Variants in LRMDA observed in about 807,000 individuals in gnomAD.
The protein encoded by LRMDA is leucine-rich melanocyte differentiation-associated protein.
Under a neutral mutation model 29.8 loss-of-function variants are expected in LRMDA, and 18 were observed. The ratio of observed to expected loss-of-function variants is 0.60; its 90% confidence interval spans 0.42 to 0.90. The LOEUF is 0.90. Among genes scored for constraint, LRMDA ranks in the 40% least tolerant of loss-of-function variants. The pLI is 0.00. For missense variants in LRMDA, 273 were observed against 273.9 expected (o/e 1.00, Z 0.02); for synonymous variants, 125 against 109.4 (o/e 1.14, Z -0.89).
chr10:75,903,801 A>G (rs1845716891), intron 2 of LRMDA, among the ~76,000 whole-genome samples: 1 of 152,216 alleles, frequency 6.6e-6, no homozygotes, highest in Non-Finnish European at 1.5e-5. Context: ...GGTTTGAGAT[A>G]GTGACTAGTT....
At chr10:76,096,765 A>G (rs1849317866) in intron 5 of LRMDA, among the ~76,000 whole-genome samples, 1 of 152,070 alleles carries the variant, frequency 6.6e-6, no homozygotes, top group Non-Finnish European at 1.5e-5. Context: ...AGATCTTTTT[A>G]TAACTTTTAA....
chr10:76,472,955 A>G (rs1355470092), intron 6 of LRMDA, among the ~76,000 whole-genome samples: 1 of 151,636 alleles, frequency 6.6e-6, no homozygotes, highest in African/African-American at 2.4e-5. Flanking sequence ...GCATTTAAAG[A>G]AAGTAAATGT....
At chr10:76,500,771 G>A (rs1842903288) in intron 6 of LRMDA, among the ~76,000 whole-genome samples, 1 of 74,292 alleles carries the variant, frequency 1.3e-5, no homozygotes, top group African/African-American at 3.3e-5. Flanking sequence ...TTGTCTCTTT[G>A]TATGCAAAAT....
chr10:75,505,993 G>A lies in LRMDA; in HGVS notation c.131+67499G>A, dbSNP rs191978041. 2.1e-4 allele frequency among the ~76,000 whole-genome samples: 32 copies of A among 152,262 alleles called. 1 individual carries two copies. The East Asian group carries it at 6.2e-3, about 29-fold the overall frequency. On this transcript the variant is annotated intron_variant, in intron 2 of 6. Transcript: ENST00000611255. Reference sequence around the variant, plus strand: ...AAAATACAAACACAGAGCCTTTAAGGCTTATTAGTTTCATAGTGAGAAAAC... The same window carrying A: ...AAAATACAAACACAGAGCCTTTAAGACTTATTAGTTTCATAGTGAGAAAAC...
intron 2 of LRMDA, among the ~76,000 whole-genome samples, chr10:75,912,482 GA>G (rs1251312340): frequency 6.6e-6 from 1 of 152,168 alleles, no homozygotes; most frequent in Non-Finnish European, 1.5e-5. Context: ...GGAAGTTATG[GA>G]AAGGAAGGGC....
intron 2 of LRMDA, among the ~76,000 whole-genome samples, chr10:76,012,886 G>A (rs900931602): frequency 2.0e-5 from 3 of 152,100 alleles, no homozygotes. Context: ...GTCTGGCTTT[G>A]TATTTGGAAT....
intron 6 of LRMDA, among the ~76,000 whole-genome samples, chr10:76,469,970 G>T (rs1206087538): frequency 6.6e-6 from 1 of 151,916 alleles, no homozygotes; most frequent in Non-Finnish European, 1.5e-5. Flanking sequence ...TCTCCCCTAT[G>T]ATCATGGATT....
At chr10:75,433,773 C>A (rs1423343261) in intron 1 of LRMDA, among the ~76,000 whole-genome samples, 1 of 151,936 alleles carries the variant, frequency 6.6e-6, no homozygotes, top group African/African-American at 2.4e-5. Context: ...AAACATGAAG[C>A]CAGAGACAAC....
chr10:75,939,160 A>AC (rs1846346946), intron 2 of LRMDA, among the ~76,000 whole-genome samples: 1 of 152,148 alleles, frequency 6.6e-6, no homozygotes, highest in South Asian at 2.1e-4. Flanking sequence ...GTGAAGTGAT[A>AC]CCTTCCAGTG....
At chr10:75,978,983 T>G (rs1451197610) in intron 2 of LRMDA, among the ~76,000 whole-genome samples, 1 of 152,156 alleles carries the variant, frequency 6.6e-6, no homozygotes, top group Non-Finnish European at 1.5e-5. Context: ...ACCTGCCACT[T>G]ATTGGCCAAA....
At chr10:75,850,406 T>A (rs1844712372) in intron 2 of LRMDA, among the ~76,000 whole-genome samples, 1 of 152,220 alleles carries the variant, frequency 6.6e-6, no homozygotes, top group Non-Finnish European at 1.5e-5. Flanking sequence ...AGCTGTCAAA[T>A]CCACTATTAG....
intron 2 of LRMDA, among the ~76,000 whole-genome samples, chr10:75,500,841 C>G (rs184644979): frequency 2.0e-5 from 3 of 152,312 alleles, no homozygotes; most frequent in Admixed American, 1.3e-4. Flanking sequence ...TCACCTCCCA[C>G]CAGGTCCCTC....
At chr10:75,741,620 G>A (rs997804808) in intron 2 of LRMDA, among the ~76,000 whole-genome samples, 2 of 152,152 alleles carry the variant, frequency 1.3e-5, no homozygotes, top group African/African-American at 4.8e-5. Flanking sequence ...TCTACCACAA[G>A]GGTATTTGGT....
intron 2 of LRMDA, among the ~76,000 whole-genome samples, chr10:75,516,295 G>A (rs1383935684): frequency 3.9e-5 from 6 of 152,118 alleles, no homozygotes; most frequent in Non-Finnish European, 1.5e-5. Flanking sequence ...CTTCCACAAT[G>A]GTTCAACTAA....
intron 5 of LRMDA, among the ~76,000 whole-genome samples, chr10:76,099,983 A>G (rs1849371599): frequency 6.6e-6 from 1 of 152,202 alleles, no homozygotes; most frequent in Non-Finnish European, 1.5e-5. Flanking sequence ...CAGGTCTTCT[A>G]TATCAGTGTC....
rs147413848 is a variant in LRMDA, at chr10:75,975,571, C to G, written c.132-60437C>G. ...TGTCCTTCGAGGACAGATTGGGTAC[C>G]CTGTTTTCTGTGGCCTTCCATGAAA... is the stretch of plus-strand genomic sequence containing the variant. On this transcript the variant is annotated intron_variant, in intron 2 of 6. Transcript: ENST00000611255. 6.5e-3 allele frequency among the ~76,000 whole-genome samples: 990 copies of G among 152,258 alleles called. 11 individuals carry two copies. The highest frequency in any genetic ancestry group is 0.021 in the African/African-American group (854 of 41,528).
intron 2 of LRMDA, among the ~76,000 whole-genome samples, chr10:75,551,632 C>T (rs1031465616): frequency 2.0e-5 from 3 of 152,056 alleles, no homozygotes; most frequent in East Asian, 1.9e-4. Flanking sequence ...TGGTTTCCAG[C>T]GTCATGCATG....
chr10:75,735,190 G>A (rs1032507967), intron 2 of LRMDA, among the ~76,000 whole-genome samples: 10 of 152,192 alleles, frequency 6.6e-5, no homozygotes, highest in South Asian at 2.1e-4. Context: ...GAGTACAGTA[G>A]GGTATTGTAA....
chr10:76,451,541 G>C (rs1427423076), intron 6 of LRMDA, among the ~76,000 whole-genome samples: 1 of 151,588 alleles, frequency 6.6e-6, no homozygotes, highest in East Asian at 2.0e-4. Context: ...ATTGACAGCT[G>C]GATATTTTGA....
Sources: gnomAD v4.1 joint callset for allele counts (sites outside exome capture counted in the v4.1 genomes callset) on GRCh38, gnomAD v4.1.1 for gene constraint, MANE v1.5 for transcripts, NCBI Gene and HGNC (gene_info 2026-07-23, HGNC 2026-07-21) for gene names.